Variants in MYH1 observed in about 807,000 individuals in gnomAD.
MYH1 encodes myosin heavy chain 1.
Under a neutral mutation model 225.6 loss-of-function variants are expected in MYH1, and 214 were observed. That is an observed-to-expected ratio of 0.95 (90% CI 0.85 to 1.06). The LOEUF (loss-of-function observed/expected upper bound fraction) is 1.06. Among genes scored for constraint, MYH1 ranks in the 50% least tolerant of loss-of-function variants. The probability of loss-of-function intolerance (pLI) is 0.00; values close to 1 mark genes in which losing one functional copy is unlikely to be tolerated. For synonymous variants in MYH1, 774 were observed against 842.3 expected, an observed-to-expected ratio of 0.92 and a Z score of 1.40; for missense variants, 2,098 against 2,344.2, an observed-to-expected ratio of 0.89 and a Z score of 2.17.
intron 15 of MYH1, 45 bp downstream of exon 15, chr17:10,509,440 T>C: frequency 6.2e-7 from 1 of 1,612,338 alleles, no homozygotes; most frequent in South Asian, 1.1e-5. Context: ...TTCTTTTAAA[T>C]ACTGTACAGC....
At position 10,498,723 on chromosome 17, in the gene MYH1, G is replaced by A. The variant is rs1038263832; in HGVS notation, c.4084C>T (p.Gln1362Ter). The A allele has an allele frequency of 6.2e-7, 1 of 1,614,000 alleles. No homozygotes were observed. The highest frequency in any genetic ancestry group is 8.5e-7 in the Non-Finnish European group (1 of 1,179,964). The change falls in exon 30 of 40, where the codon CAG (glutamine) becomes TAG (stop). Residue 1362 changes from glutamine to a stop codon, truncating the protein, a stop_gained. Transcript: ENST00000226207. LOFTEE classifies it high-confidence loss of function. ...CTGTTGGCCTTGGACATTGCTCTCT[G>A]TAGCTCGGCCTTGGCTTCCTGCTCC... is the stretch of plus-strand genomic sequence containing the variant. ...EEEQEAKAEL[Q>*]RAMSKANSEV...
intron 22 of MYH1, 110 bp from the exon 23 acceptor site, chr17:10,503,358 A>G (rs2073077513): frequency 2.1e-6 from 3 of 1,437,642 alleles, no homozygotes; most frequent in Non-Finnish European, 2.8e-6. Flanking sequence ...CTTCAGGTTA[A>G]TTTTTATTAG....
At chr17:10,518,157 C>G (rs1233035079) in intron 2 of MYH1, 83 bp downstream of exon 2, 1 of 151,940 alleles carries the variant, frequency 6.6e-6, no homozygotes, top group Non-Finnish European at 1.5e-5. Context: ...TTCCCTCACC[C>G]CGCCCCTCAC....
At chr17:10,517,709 CAT>C (rs928989853) in intron 2 of MYH1, among the ~76,000 whole-genome samples, 6 of 151,602 alleles carry the variant, frequency 4.0e-5, no homozygotes, top group Admixed American at 6.6e-5. Context: ...TGTATATATA[CAT>C]ATGTGTGTGT....
chr17:10,494,651 A>G lies in MYH1; in HGVS notation c.5489T>C (p.Val1830Ala), dbSNP rs267604708. The change falls in exon 38 of 40, where the codon GTT becomes GCT. Residue 1830 changes from valine (V) to alanine (A), a missense_variant. Transcript: ENST00000226207. Reference sequence around the variant, plus strand: ...AACATTGCGCTTCTGTTCACTTTCAACTTCACCTTCAAGTTCACGAACCTA... The same window carrying G: ...AACATTGCGCTTCTGTTCACTTTCAGCTTCACCTTCAAGTTCACGAACCTA... Reference protein sequence around the residue: ...EARVRELEGEVESEQKRNVEA... With the variant: ...EARVRELEGEAESEQKRNVEA... 1 of 1,613,928 alleles carries G rather than the reference A, an allele frequency of 6.2e-7. No homozygotes were observed.
Position 10,516,084 on chromosome 17 carries a change from T to C in MYH1, c.349-2A>G. 1 of 1,613,992 alleles carries C rather than the reference T, an allele frequency of 6.2e-7. No individual in the cohort carries two copies. On this transcript the variant is annotated splice_acceptor_variant, in intron 4 of 39. Coordinates refer to ENST00000226207, the MANE Select transcript of MYH1 (RefSeq NM_005963.4). LOFTEE classifies it high-confidence loss of function. ...GACACAGAACAAGCCTGAGTAGGTC[T>C]GCACCCAAAACAAAAGGGAGGAACA...
Position 10,503,067 on chromosome 17 carries a change from A to G in MYH1, c.2873T>C (p.Ile958Thr). 6.2e-7 allele frequency: 1 copy of G among 1,613,200 alleles called. No homozygotes were observed. The highest frequency in any genetic ancestry group is 1.1e-5 in the South Asian group (1 of 91,048). Residue 958 changes from isoleucine to threonine, a missense_variant, in exon 23 of 40, where the codon ATT (isoleucine) becomes ACT (threonine). Transcript: ENST00000226207. ...EDECSELKKDIDDLELTLAKV... is the reference protein window; with the variant it reads ...EDECSELKKDTDDLELTLAKV... The stretch of plus-strand genomic sequence containing the variant: ...GGCCAGTGTCAGCTCAAGGTCATCA[A>G]TGTCTTTCTTGAGTTCTGAACATTC...
Position 10,497,725 on chromosome 17 carries a change from A to G in MYH1, c.4365+9T>C, listed in dbSNP as rs754252764. On this transcript the variant is annotated intron_variant, in intron 31 of 39. Coordinates refer to ENST00000226207, the MANE Select transcript of MYH1 (RefSeq NM_005963.4). ...TGTTGAAAGTTGAAGCAAAAACTGG[A>G]GAGAATACCTTATCAAAGTTCCTTT... The G allele has an allele frequency of 1.9e-6, 3 of 1,612,652 alleles. No homozygotes were observed. Among genetic ancestry groups the G allele is most frequent in the Admixed American group, 3.4e-5 (2 of 59,494 alleles).
chr17:10,493,465 A>G (rs2072955860), intron 39 of MYH1, among the ~76,000 whole-genome samples: 1 of 152,228 alleles, frequency 6.6e-6, no homozygotes, highest in Admixed American at 6.5e-5. Flanking sequence ...ATATGTAGGA[A>G]GTTGAAACTA....
intron 16 of MYH1, 45 bp downstream of exon 16, chr17:10,508,318 T>C (rs900220831): frequency 7.8e-6 from 12 of 1,536,342 alleles, no homozygotes; most frequent in Non-Finnish European, 1.0e-5. Context: ...GGCCTCTAGT[T>C]ATGTTTTATA....
chr17:10,509,374 C>A (rs2073149192), intron 15 of MYH1, 111 bp downstream of exon 15: 1 of 1,529,512 alleles, frequency 6.5e-7, no homozygotes, highest in African/African-American at 1.4e-5. Flanking sequence ...GAATTCTCCT[C>A]ATGTTTTTCA....
At chr17:10,494,883 G>A (rs901863362) in intron 37 of MYH1, 48 bp downstream of exon 37, 9 of 1,614,028 alleles carry the variant, frequency 5.6e-6, no homozygotes, top group Non-Finnish European at 7.6e-6. Context: ...TCAGAATCGT[G>A]TGTTGGATTG....
intron 9 of MYH1, 76 bp from the exon 10 acceptor site, chr17:10,513,041 A>G: frequency 2.1e-6 from 2 of 957,528 alleles, no homozygotes; most frequent in East Asian, 2.4e-5. Flanking sequence ...ACTTGGGATC[A>G]TTAGCTAAAT....
chr17:10,497,690 G>T (rs769739173), intron 31 of MYH1, 44 bp downstream of exon 31: 1 of 1,607,612 alleles, frequency 6.2e-7, no homozygotes, highest in East Asian at 2.2e-5. Flanking sequence ...GCAGGCTATT[G>T]TTAATTCTGT....
At chr17:10,512,242 A>G in intron 12 of MYH1, 50 bp from the exon 13 acceptor site, 1 of 1,594,330 alleles carries the variant, frequency 6.3e-7, no homozygotes, top group South Asian at 1.1e-5. Context: ...TGGGACCCAC[A>G]GTTCAAAGGG....
Position 10,497,394 on chromosome 17 carries a change from T to G in MYH1, c.4424A>C (p.Gln1475Pro). 1 of 1,613,620 alleles carries G rather than the reference T, an allele frequency of 6.2e-7. No homozygotes were observed. The highest frequency in any genetic ancestry group is 8.5e-7 in the Non-Finnish European group (1 of 1,179,926). The change falls in exon 32 of 40, where the codon CAA (glutamine) becomes CCA (proline). Residue 1475 changes from glutamine to proline, a missense_variant. Transcript: ENST00000226207. Reference sequence around the variant, plus strand: ...TGTGCTGAGTGAGCGGGATTCCTTTTGAGAAGCTTCAAGTTCAGCATGAGT... The same window carrying G: ...TGTGCTGAGTGAGCGGGATTCCTTTGGAGAAGCTTCAAGTTCAGCATGAGT... ...EETHAELEAS[Q>P]KESRSLSTEL...
In MYH1 at chr17:10,499,276, A is replaced by AT. The variant is rs569951207; in HGVS notation, c.3866-185dup. ...ATGTAAAAATTAGAAGCATGGAGAAATTTGAGGCAGATTACATGCTTGTGA... is the reference window on the plus strand; with the variant it reads ...ATGTAAAAATTAGAAGCATGGAGAAATTTTGAGGCAGATTACATGCTTGTGA... On this transcript the variant is annotated intron_variant, in intron 28 of 39. Coordinates refer to ENST00000226207, the MANE Select transcript of MYH1 (RefSeq NM_005963.4). Among the ~76,000 whole-genome samples, 609 of 152,360 alleles carry AT rather than the reference A, an allele frequency of 4.0e-3. 8 individuals carry two copies. The highest frequency in any genetic ancestry group is 0.024 in the South Asian group (116 of 4,830).
rs199620630 is a variant in MYH1 at position 10,507,882 on chromosome 17, G to T, written c.1968+4C>A. The T allele has an allele frequency of 6.2e-7, 1 of 1,610,004 alleles. No homozygotes were observed. Among genetic ancestry groups the T allele is most frequent in the Non-Finnish European group, 8.5e-7 (1 of 1,177,028 alleles). Reference sequence around the variant, plus strand: ...TAATTAGACAGAGAAAATGAAGTTTGTACCCTGAAGAGAGCAGACACAGTC... The same window carrying T: ...TAATTAGACAGAGAAAATGAAGTTTTTACCCTGAAGAGAGCAGACACAGTC... On this transcript the variant is annotated splice_donor_region_variant and intron_variant, in intron 17 of 39. Coordinates refer to ENST00000226207, the MANE Select transcript of MYH1 (RefSeq NM_005963.4).
chr17:10,507,253 G>C (rs938467722), intron 17 of MYH1, among the ~76,000 whole-genome samples: 1 of 151,950 alleles, frequency 6.6e-6, no homozygotes, highest in Non-Finnish European at 1.5e-5. Flanking sequence ...GGTAGAGATG[G>C]GGTTTCATCA....
Sources: gnomAD v4.1 joint callset for allele counts (sites outside exome capture counted in the v4.1 genomes callset) on GRCh38, gnomAD v4.1.1 for gene constraint, MANE v1.5 for transcripts, NCBI Gene and HGNC (gene_info 2026-07-23, HGNC 2026-07-21) for gene names.